The following GKN2 variants were observed in gnomAD, a reference collection of about 807,000 sequenced individuals.
GKN2 encodes the protein gastrokine 2, also known as gastrokine-2.
In GKN2, 17 loss-of-function variants were observed where a neutral mutation model predicts 22.7. The ratio of observed to expected loss-of-function variants is 0.75; its 90% CI spans 0.51 to 1.13. The LOEUF (loss-of-function observed/expected upper bound fraction) is 1.13. GKN2 is among the 50% of genes most tolerant of loss of function. The pLI is 0.00. For synonymous variants in GKN2, 82 were observed against 79.6 expected, an observed-to-expected ratio of 1.03 and a Z score of -0.16; for missense variants, 248 against 221.4, an observed-to-expected ratio of 1.12 and a Z score of -0.76.
Position 68,947,199 on chromosome 2 carries a change from T to C in GKN2, c.263A>G (p.His88Arg), listed in dbSNP as rs1669784035. ...ATTGTTCAGAGGAGGGATGTTCTGATGGTCCATCTTCAGGATAAAGCAGGC... is the reference window on the plus strand; with the variant it reads ...ATTGTTCAGAGGAGGGATGTTCTGACGGTCCATCTTCAGGATAAAGCAGGC... ...RRACFILKMD[H>R]QNIPPLNNLQ... The change falls in exon 4 of 6, where the codon CAT becomes CGT. Residue 88 changes from histidine to arginine, a missense_variant. His to Arg is a conservative substitution (Grantham distance 29). Coordinates refer to ENST00000328895, the MANE Select transcript of GKN2 (RefSeq NM_182536.3). 1 of 1,613,910 alleles carries C rather than the reference T, an allele frequency of 6.2e-7. No homozygotes were observed. The highest frequency in any genetic ancestry group is 1.7e-5 in the Admixed American group (1 of 60,002).
chr2:68,946,161 CAT>C, intron 5 of GKN2, 141 bp downstream of exon 5: 1 of 624,552 alleles, frequency 1.6e-6, no homozygotes, highest in African/African-American at 1.8e-5. Context: ...AATTTACACA[CAT>C]GGCATGTAAT....
intron 1 of GKN2, 70 bp downstream of exon 1, chr2:68,952,780 C>A: frequency 6.6e-7 from 1 of 1,521,872 alleles, no homozygotes; most frequent in Non-Finnish European, 9.1e-7. Context: ...AAATCCATGG[C>A]ATATTAGATA....
chr2:68,945,520 T>A, intron 5 of GKN2, 70 bp from the exon 6 acceptor site: 1 of 1,148,532 alleles, frequency 8.7e-7, no homozygotes, highest in Non-Finnish European at 1.3e-6. Flanking sequence ...AGAATAATAA[T>A]ACATTAGCTT....
intron 5 of GKN2, 106 bp downstream of exon 5, chr2:68,946,198 A>G: frequency 1.1e-6 from 1 of 936,618 alleles, no homozygotes; most frequent in South Asian, 1.8e-5. Context: ...AACTGAACTG[A>G]GTACTGTTCC....
chr2:68,951,215 AT>A (rs1173591530), intron 1 of GKN2, among the ~76,000 whole-genome samples: 8 of 152,174 alleles, frequency 5.3e-5, no homozygotes, highest in Admixed American at 5.2e-4. Context: ...GGTAATACAG[AT>A]TTAAAATGAA....
intron 3 of GKN2, among the ~76,000 whole-genome samples, chr2:68,949,296 A>C (rs1013459080): frequency 6.6e-6 from 1 of 152,226 alleles, no homozygotes; most frequent in African/African-American, 2.4e-5. Flanking sequence ...TCTTTCTTAC[A>C]GAAAAAGTAT....
At chr2:68,947,278 T>C in intron 3 of GKN2, 21 bp from the exon 4 acceptor site, 1 of 1,472,218 alleles carries the variant, frequency 6.8e-7, no homozygotes, top group South Asian at 1.1e-5. Flanking sequence ...AAGAGTACAG[T>C]TACTGTTCCT....
intron 1 of GKN2, among the ~76,000 whole-genome samples, chr2:68,952,496 T>G (rs1299549371): frequency 6.6e-6 from 1 of 152,214 alleles, no homozygotes; most frequent in Non-Finnish European, 1.5e-5. Flanking sequence ...ATATTATTTT[T>G]AAACTACAGC....
At chr2:68,948,261 A>C (rs1257744693) in intron 3 of GKN2, among the ~76,000 whole-genome samples, 3 of 151,480 alleles carry the variant, frequency 2.0e-5, no homozygotes. Context: ...AAAAACAAAA[A>C]AAAAAAACTG....
chr2:68,952,109 A>C (rs1217875549), intron 1 of GKN2, among the ~76,000 whole-genome samples: 1 of 152,218 alleles, frequency 6.6e-6, no homozygotes, highest in Non-Finnish European at 1.5e-5. Context: ...CCCACTGTCC[A>C]TGGGGCACTG....
rs34473185 is a variant in GKN2 at position 68,945,458 on chromosome 2, AGG to A, written c.473-10_473-9del. 9 of 1,598,988 alleles carry A rather than the reference AGG, an allele frequency of 5.6e-6. No individual in the cohort carries two copies. In the East Asian group the frequency reaches 2.0e-4, roughly 36 times the overall value. ...CTCCAGCACCGACATTATCTGGAAA[AGG>A]GAAAATTTTTCAGAGAAAGAGCATT... On this transcript the variant is annotated splice_polypyrimidine_tract_variant and intron_variant, in intron 5 of 5. Transcript: ENST00000328895.
Position 68,950,760 on chromosome 2 carries a change from A to T in GKN2, c.13-5T>A. The T allele has an allele frequency of 3.1e-6, 5 of 1,614,068 alleles. No homozygotes were observed. The highest frequency in any genetic ancestry group is 1.6e-4 in the Middle Eastern group (1 of 6,062). On this transcript the variant is annotated splice_polypyrimidine_tract_variant and splice_region_variant and intron_variant, in intron 1 of 5. Transcript: ENST00000328895. ...CAGCACCACCAGAAATGCCACCTGA[A>T]AAACAGACCCACCACATCCATTCTT...
Position 68,952,843 on chromosome 2 carries a change from T to C in GKN2, c.12+7A>G, listed in dbSNP as rs540901512. ...AAGAGTATCAAGAAGCAGAAACAAA[T>C]ACTCACAAGTATTTTCATTTTGCCT... On this transcript the variant is annotated splice_region_variant and intron_variant, in intron 1 of 5. Transcript: ENST00000328895. 1.7e-5 allele frequency: 27 copies of C among 1,613,908 alleles called. No homozygotes were observed. The Middle Eastern group carries it at 6.6e-4, about 39-fold the overall frequency.
chr2:68,952,109 A>T (rs1217875549), intron 1 of GKN2, among the ~76,000 whole-genome samples: 2 of 152,336 alleles, frequency 1.3e-5, no homozygotes, highest in African/African-American at 4.8e-5. Context: ...CCCACTGTCC[A>T]TGGGGCACTG....
At chr2:68,949,475 AG>A (rs1163209481) in intron 3 of GKN2, among the ~76,000 whole-genome samples, 2 of 152,048 alleles carry the variant, frequency 1.3e-5, no homozygotes, top group Non-Finnish European at 2.9e-5. Context: ...GCTGGAGTGC[AG>A]TGGTGCAGTC....
intron 1 of GKN2, among the ~76,000 whole-genome samples, chr2:68,951,693 C>G (rs1669858728): frequency 6.6e-6 from 1 of 152,164 alleles, no homozygotes; most frequent in South Asian, 2.1e-4. Flanking sequence ...GATATTCAGC[C>G]TTCCATAGGG....
rs1188821782 is a variant in GKN2, at chr2:68,946,411, G to A, written c.365C>T (p.Pro122Leu). The part of the protein sequence containing the change: ...SSKYTWVKYN[P>L]LESLIKDVDW... ...CACGTCTTTGATCAGAGACTCCAGAGGGTTGTACTTGACCCAGGTGTATTT... is the reference window on the plus strand; with the variant it reads ...CACGTCTTTGATCAGAGACTCCAGAAGGTTGTACTTGACCCAGGTGTATTT... The change falls in exon 5 of 6, where the codon CCT (proline) becomes CTT (leucine). Residue 122 changes from proline to leucine, a missense_variant. By Grantham distance (98) the Pro-to-Leu change is moderately conservative (BLOSUM62 -3). Transcript: ENST00000328895. The A allele has an allele frequency of 2.5e-6, 4 of 1,613,608 alleles. No homozygotes were observed. Among genetic ancestry groups the A allele is most frequent in the African/African-American group, 1.3e-5 (1 of 75,014 alleles).
chr2:68,947,974 A>G (rs1339284024), intron 3 of GKN2, among the ~76,000 whole-genome samples: 1 of 151,922 alleles, frequency 6.6e-6, no homozygotes, highest in East Asian at 1.9e-4. Context: ...GGCCAGGTGC[A>G]GTGGCTCACA....
Position 68,950,718 on chromosome 2 carries a change from T to C in GKN2, c.50A>G (p.Gln17Arg). 1 of 1,614,124 alleles carries C rather than the reference T, an allele frequency of 6.2e-7. No individual in the cohort carries two copies. The highest frequency in any genetic ancestry group is 8.5e-7 in the Non-Finnish European group (1 of 1,179,986). ...CCAACTCACCTCGTATCCATGAGATTGTATCCCAAAGATGGTCAGCACCAC... is the reference window on the plus strand; with the variant it reads ...CCAACTCACCTCGTATCCATGAGATCGTATCCCAAAGATGGTCAGCACCAC... ...FLVVLTIFGIQSHGYEVFNII... is the reference protein window; with the variant it reads ...FLVVLTIFGIRSHGYEVFNII... The change falls in exon 2 of 6, where the codon CAA (glutamine) becomes CGA (arginine). Residue 17 changes from glutamine (Q) to arginine (R), a missense_variant. By Grantham distance (43) the Gln-to-Arg change is conservative (BLOSUM62 1). Coordinates refer to ENST00000328895, the MANE Select transcript of GKN2 (RefSeq NM_182536.3).
Sources: allele counts gnomAD v4.1 joint callset (sites outside exome capture counted in the v4.1 genomes callset), GRCh38; gene constraint gnomAD v4.1.1; transcripts MANE v1.5; gene names NCBI Gene and HGNC (gene_info 2026-07-23, HGNC 2026-07-21).